Variants in NXN observed in about 807,000 individuals in gnomAD.
The protein encoded by NXN is nucleoredoxin 1.
Under a neutral mutation model 48.6 loss-of-function variants are expected in NXN, and 16 were observed. The ratio of observed to expected loss-of-function variants is 0.33; its 90% confidence interval spans 0.22 to 0.50. The LOEUF (loss-of-function observed/expected upper bound fraction) is 0.50. Ranked by LOEUF, NXN falls within the 20% of genes least tolerant of loss-of-function variation. The pLI is 0.98. For missense variants in NXN, 492 were observed against 605.5 expected (o/e 0.81, Z 1.97); for synonymous variants, 281 against 269.6 (o/e 1.04, Z -0.41).
intron 5 of NXN, among the ~76,000 whole-genome samples, chr17:817,277 T>C (rs1347711314): frequency 2.0e-5 from 3 of 152,166 alleles, no homozygotes; most frequent in Non-Finnish European, 2.9e-5. Flanking sequence ...GTACTTGGGA[T>C]TGAGAAGCAC....
At chr17:826,791 G>A (rs1231869749) in intron 1 of NXN, among the ~76,000 whole-genome samples, 2 of 152,158 alleles carry the variant, frequency 1.3e-5, no homozygotes, top group Admixed American at 6.5e-5. Flanking sequence ...CCCAACCCTC[G>A]GCTCTCGGTG....
At chr17:896,858 C>CGGGGGGGCGGG in intron 1 of NXN, 1 of 536,128 alleles carries the variant, frequency 1.9e-6, no homozygotes, top group Non-Finnish European at 3.0e-6. Context: ...GTCCTGACCA[C>CGGGGGGGCGGG]CCGCCCCCGG....
intron 1 of NXN, among the ~76,000 whole-genome samples, chr17:854,022 T>C (rs866224507): frequency 6.6e-6 from 1 of 151,896 alleles, no homozygotes; most frequent in African/African-American, 2.4e-5. Flanking sequence ...GCCCGGCCAA[T>C]TTCCATTCTG....
In NXN at chr17:959,196, A is replaced by G. The variant is rs991925649; in HGVS notation, c.360+20123T>C. On this transcript the variant is annotated intron_variant, in intron 1 of 7. Coordinates refer to ENST00000336868, the MANE Select transcript of NXN (RefSeq NM_022463.5). ...GTGGTTCCCCGCCACGTACCAGTTC[A>G]GCCAGTACGTGTGTCAGCAGACAGG... 8.8e-6 allele frequency: 9 copies of G among 1,024,008 alleles called. No homozygotes were observed. The African/African-American group carries it at 1.3e-4, about 15-fold the overall frequency. The allele number at this position is 1,024,008 out of a possible 1,614,324, so 63.4% of individuals were successfully genotyped here. A position where few individuals can be genotyped will look rare whatever the true frequency, so the allele number is the denominator to read the frequency against.
At chr17:918,228 G>C (rs372327341) in intron 1 of NXN, among the ~76,000 whole-genome samples, 1 of 152,190 alleles carries the variant, frequency 6.6e-6, no homozygotes. Flanking sequence ...GGGCCTGGCC[G>C]TTGTGCCAGA....
intron 1 of NXN, among the ~76,000 whole-genome samples, chr17:959,623 C>A (rs1394888586): frequency 1.3e-5 from 2 of 151,194 alleles, no homozygotes; most frequent in African/African-American, 2.4e-5. Flanking sequence ...ATGGTGAACC[C>A]CTTTCTACTA....
intron 1 of NXN, among the ~76,000 whole-genome samples, chr17:854,476 G>T (rs542466783): frequency 1.3e-5 from 2 of 149,560 alleles, no homozygotes; most frequent in Admixed American, 6.7e-5. Flanking sequence ...GTGAAACCCT[G>T]TCTCTACTAA....
chr17:865,782 G>C (rs1029539102), intron 1 of NXN, among the ~76,000 whole-genome samples: 1 of 150,824 alleles, frequency 6.6e-6, no homozygotes, highest in Non-Finnish European at 1.5e-5. Context: ...TCAGGAGTTC[G>C]AGACCAGCCT....
chr17:863,998 T>C, intron 1 of NXN: 2 of 1,535,196 alleles, frequency 1.3e-6, no homozygotes, highest in African/African-American at 1.4e-5. Flanking sequence ...TCAGTTTCGG[T>C]GAAAGGACAC....
chr17:945,453 C>T (rs1334980864), intron 1 of NXN, among the ~76,000 whole-genome samples: 1 of 151,368 alleles, frequency 6.6e-6, no homozygotes, highest in Non-Finnish European at 1.5e-5. Flanking sequence ...CATGGTGAAA[C>T]CCCGTCTCTA....
intron 1 of NXN, among the ~76,000 whole-genome samples, chr17:850,893 G>A (rs986260510): frequency 1.3e-4 from 20 of 152,192 alleles, no homozygotes; most frequent in African/African-American, 3.9e-4. Flanking sequence ...GAACCAAGAC[G>A]GGCAGAGGGT....
At chr17:936,857 T>C (rs909742705) in intron 1 of NXN, among the ~76,000 whole-genome samples, 1 of 149,920 alleles carries the variant, frequency 6.7e-6, no homozygotes, top group Non-Finnish European at 1.5e-5. Context: ...AAACTGGGAG[T>C]GTTCCAGAAA....
rs1468631133 is a variant in NXN, at chr17:830,284, C to A, written c.361-4206G>T. ...AGTTAAGAGCAGATGAGGCTGCTACCCTCGTGGGGCTCCTCCTCCAGTGGG... is the reference window on the plus strand; with the variant it reads ...AGTTAAGAGCAGATGAGGCTGCTACACTCGTGGGGCTCCTCCTCCAGTGGG... On this transcript the variant is annotated intron_variant, in intron 1 of 7. Transcript: ENST00000336868. This position sits in a 1 kb window ranked among gnomAD's most constrained non-coding sequence, Gnocchi z 4.2. Among the ~76,000 whole-genome samples, 1 of 152,100 alleles carries A rather than the reference C, an allele frequency of 6.6e-6. No homozygotes were observed. Among genetic ancestry groups the A allele is most frequent in the Non-Finnish European group, 1.5e-5 (1 of 68,018 alleles).
At chr17:928,996 C>T (rs941734552) in intron 1 of NXN, among the ~76,000 whole-genome samples, 1 of 152,174 alleles carries the variant, frequency 6.6e-6, no homozygotes, top group Admixed American at 6.5e-5. Flanking sequence ...ACACTTAATT[C>T]CCACAGAGTA....
chr17:805,268 T>G, intron 5 of NXN, 21 bp from the exon 6 acceptor site: 1 of 1,595,328 alleles, frequency 6.3e-7, no homozygotes, highest in Admixed American at 1.7e-5. Flanking sequence ...GAGGGGGTGC[T>G]TGGCCGCTGG....
At chr17:926,574 C>G (rs1248614763) in intron 1 of NXN, among the ~76,000 whole-genome samples, 1 of 145,396 alleles carries the variant, frequency 6.9e-6, no homozygotes, top group Non-Finnish European at 1.5e-5. Flanking sequence ...GAGACAAGGT[C>G]TGGCTCTATC....
intron 1 of NXN, among the ~76,000 whole-genome samples, chr17:960,529 AG>A (rs1459856718): frequency 2.0e-5 from 3 of 151,826 alleles, no homozygotes; most frequent in Non-Finnish European, 4.4e-5. Context: ...GTTTTTGGAG[AG>A]ACAGGATCTC....
intron 1 of NXN, among the ~76,000 whole-genome samples, chr17:838,281 A>C (rs776123283): frequency 6.6e-6 from 1 of 151,508 alleles, no homozygotes; most frequent in Non-Finnish European, 1.5e-5. Flanking sequence ...ACAGGTGCCC[A>C]CCACCACACC....
chr17:972,022 C>T (rs1296301381), intron 1 of NXN, among the ~76,000 whole-genome samples: 1 of 152,104 alleles, frequency 6.6e-6, no homozygotes, highest in Non-Finnish European at 1.5e-5. Context: ...AAAAATTGGC[C>T]AGTCACGGTG....
Sources: gnomAD v4.1 joint callset for allele counts (sites outside exome capture counted in the v4.1 genomes callset) on GRCh38, gnomAD v4.1.1 for gene constraint, Gnocchi (gnomAD v3.1) non-coding constraint, MANE v1.5 for transcripts, NCBI Gene and HGNC (gene_info 2026-07-23, HGNC 2026-07-21) for gene names.